DNAJC3: variants seen among roughly 807,000 people sequenced by gnomAD.
DNAJC3 encodes the protein dnaJ homolog subfamily C member 3.
Under a neutral mutation model 68.6 loss-of-function variants are expected in DNAJC3, and 38 were observed. The ratio of observed to expected loss-of-function variants is 0.55; its 90% CI spans 0.43 to 0.73. DNAJC3 has a LOEUF of 0.73. Ranked by LOEUF, DNAJC3 falls within the 30% of genes least tolerant of loss-of-function variation. The probability of loss-of-function intolerance (pLI) is 0.00; values close to 1 mark genes in which losing one functional copy is unlikely to be tolerated. For missense variants in DNAJC3, 526 were observed against 591.9 expected (o/e 0.89, Z 1.16); for synonymous variants, 203 against 204.0 (o/e 1.00, Z 0.04).
At chr13:95,712,355 T>G (rs192014382) in intron 2 of DNAJC3, among the ~76,000 whole-genome samples, 1 of 148,948 alleles carries the variant, frequency 6.7e-6, no homozygotes, top group Non-Finnish European at 1.5e-5. Flanking sequence ...CTGCTAGAGG[T>G]CCTAGCCAAT....
At chr13:95,691,344 G>A (rs865893785) in intron 1 of DNAJC3, among the ~76,000 whole-genome samples, 3 of 151,362 alleles carry the variant, frequency 2.0e-5, no homozygotes, top group South Asian at 2.1e-4. Context: ...CAGACGGGGC[G>A]GTTGCCAGGC....
intron 1 of DNAJC3, chr13:95,692,523 A>G (rs954536749): frequency 6.6e-6 from 1 of 152,056 alleles, no homozygotes; most frequent in African/African-American, 2.4e-5. Flanking sequence ...ATTATTTTAT[A>G]AATAATAATA....
chr13:95,677,348 C>T lies in DNAJC3; in HGVS notation c.82+11C>T. 6.3e-7 allele frequency: 1 copy of T among 1,581,720 alleles called. No individual in the cohort carries two copies. The highest frequency in any genetic ancestry group is 8.6e-7 in the Non-Finnish European group (1 of 1,165,128). Reference sequence around the variant, plus strand: ...ATCTGCAGTACGAAGGTGAGTCCTGCCCTGCCCCGGCCAGGAAGTGGGCTC... The same window carrying T: ...ATCTGCAGTACGAAGGTGAGTCCTGTCCTGCCCCGGCCAGGAAGTGGGCTC... On this transcript the variant is annotated intron_variant, in intron 1 of 11. Coordinates refer to ENST00000602402, the MANE Select transcript of DNAJC3 (RefSeq NM_006260.5).
At chr13:95,734,398 G>A (rs1881820350) in intron 4 of DNAJC3, among the ~76,000 whole-genome samples, 1 of 152,150 alleles carries the variant, frequency 6.6e-6, no homozygotes, top group African/African-American at 2.4e-5. Context: ...ATAGTCCAAT[G>A]GGGTTTCCCT....
intron 2 of DNAJC3, among the ~76,000 whole-genome samples, chr13:95,710,190 G>C (rs1458763006): frequency 1.3e-5 from 2 of 151,550 alleles, no homozygotes; most frequent in Non-Finnish European, 2.9e-5. Flanking sequence ...AGAATAAATA[G>C]GTTCTTAGTG....
At chr13:95,774,014 C>T (rs529936888) in intron 9 of DNAJC3, among the ~76,000 whole-genome samples, 15 of 152,274 alleles carry the variant, frequency 9.9e-5, no homozygotes, top group African/African-American at 3.4e-4. Context: ...GGATTACAGG[C>T]GTGAGCCACG....
At chr13:95,765,574 T>G (rs1025115629) in intron 9 of DNAJC3, among the ~76,000 whole-genome samples, 1 of 149,068 alleles carries the variant, frequency 6.7e-6, no homozygotes, top group Non-Finnish European at 1.5e-5. Context: ...TCTGTTTTTT[T>G]TTTTTTTTTT....
intron 2 of DNAJC3, among the ~76,000 whole-genome samples, chr13:95,715,703 G>A (rs2139633209): frequency 6.6e-6 from 1 of 151,298 alleles, no homozygotes; most frequent in Middle Eastern, 3.4e-3. Context: ...GGCGAGGATG[G>A]TCTCGATCTC....
At chr13:95,691,752 C>T (rs1880268957) in intron 1 of DNAJC3, among the ~76,000 whole-genome samples, 1 of 152,224 alleles carries the variant, frequency 6.6e-6, no homozygotes, top group Admixed American at 6.5e-5. Flanking sequence ...CACTGCACTC[C>T]AGCCTGGGCA....
At chr13:95,775,010 ATTG>A in intron 9 of DNAJC3, among the ~76,000 whole-genome samples, 1 of 151,944 alleles carries the variant, frequency 6.6e-6, no homozygotes, top group East Asian at 1.9e-4. Flanking sequence ...CCATTTTACT[ATTG>A]TTTTCTTTTT....
rs1368304549 is a variant in DNAJC3, at chr13:95,705,069, CT to C, written c.83-4156del. On this transcript the variant is annotated intron_variant, in intron 1 of 11. Transcript: ENST00000602402. ...GTTTTGCCACGTTGGCCAGGCTAGT[CT>C]TGAATTCCTGACCTCAGGTGATCTG... 3.9e-5 allele frequency among the ~76,000 whole-genome samples: 6 copies of C among 152,162 alleles called. 1 individual carries two copies. The Middle Eastern group carries it at 0.01, about 259-fold the overall frequency.
Position 95,792,204 on chromosome 13 carries a change from TTGAGA to T in DNAJC3, c.*1176_*1180del, listed in dbSNP as rs1374496248. On this transcript the variant is annotated 3_prime_UTR_variant, in exon 12 of 12. Coordinates refer to ENST00000602402, the MANE Select transcript of DNAJC3 (RefSeq NM_006260.5). ...TCATTTAATAAGATGGCATCTCCTC[TTGAGA>T]TATGTTCTTCTTACCTTTTAAGAAG... 6.6e-6 allele frequency: 1 copy of T among 152,240 alleles called. No individual in the cohort carries two copies. Among genetic ancestry groups the T allele is most frequent in the Non-Finnish European group, 1.5e-5 (1 of 68,042 alleles). The allele number at this position is 152,240 out of a possible 1,614,324, so 9.4% of individuals were successfully genotyped here.
At chr13:95,752,056 C>G (rs1010854147) in intron 4 of DNAJC3, among the ~76,000 whole-genome samples, 17 of 152,194 alleles carry the variant, frequency 1.1e-4, no homozygotes, top group Non-Finnish European at 1.8e-4. Flanking sequence ...GGTGGGGACA[C>G]AGCCAAACCA....
chr13:95,725,336 G>A, intron 4 of DNAJC3, 84 bp downstream of exon 4: 1 of 972,032 alleles, frequency 1.0e-6, no homozygotes, highest in Non-Finnish European at 1.5e-6. Context: ...ACAGTTAATA[G>A]TAATTTTATA....
intron 2 of DNAJC3, among the ~76,000 whole-genome samples, chr13:95,715,728 C>T (rs1433895947): frequency 6.6e-6 from 1 of 151,274 alleles, no homozygotes; most frequent in Admixed American, 6.6e-5. Flanking sequence ...CCTGATGATC[C>T]ACCCCCCCTT....
chr13:95,773,061 G>C (rs1322711978), intron 9 of DNAJC3, among the ~76,000 whole-genome samples: 2 of 148,646 alleles, frequency 1.3e-5, no homozygotes, highest in African/African-American at 2.5e-5. Context: ...TTTAAAGTTT[G>C]AGAGAATTCA....
intron 1 of DNAJC3, among the ~76,000 whole-genome samples, chr13:95,690,664 C>A (rs1489530122): frequency 7.2e-6 from 1 of 138,846 alleles, no homozygotes; most frequent in Non-Finnish European, 1.6e-5. Flanking sequence ...GGGCGGGGGG[C>A]TGACCCCCCC....
Position 95,677,259 on chromosome 13 carries a change from G to C in DNAJC3, c.4G>C (p.Val2Leu), listed in dbSNP as rs773748854. The C allele has an allele frequency of 4.4e-6, 7 of 1,602,760 alleles. No individual in the cohort carries two copies. Among genetic ancestry groups the C allele is most frequent in the Non-Finnish European group, 6.0e-6 (7 of 1,175,786 alleles). The change falls in exon 1 of 12, where the codon GTG (valine) becomes CTG (leucine). Residue 2 changes from valine to leucine, a missense_variant. Physicochemically the swap from Val to Leu is conservative, Grantham distance 32. Coordinates refer to ENST00000602402, the MANE Select transcript of DNAJC3 (RefSeq NM_006260.5). M[V>L]APGSVTSRLG... is the part of the protein sequence containing the mutation. ...CTTCACTCGCGAGCCCTCGGACATG[G>C]TGGCCCCCGGCTCCGTGACCAGCCG...
At chr13:95,747,834 AG>A (rs139274530) in intron 4 of DNAJC3, among the ~76,000 whole-genome samples, 2,601 of 152,282 alleles carry the variant, frequency 0.017, 75 homozygotes, top group African/African-American at 0.06. Context: ...TTGGGGTGAT[AG>A]GAAAAAAAGG....
Sources: allele counts gnomAD v4.1 joint callset (sites outside exome capture counted in the v4.1 genomes callset), GRCh38; gene constraint gnomAD v4.1.1; transcripts MANE v1.5; gene names NCBI Gene and HGNC (gene_info 2026-07-23, HGNC 2026-07-21).